AGBL1: variants seen among roughly 807,000 people sequenced by gnomAD.
AGBL1 encodes the protein AGBL carboxypeptidase 1.
AGBL1 carries 130 observed loss-of-function variants against 118.9 expected under a neutral mutation model. The ratio of observed to expected loss-of-function variants is 1.09; its 90% confidence interval spans 0.95 to 1.26. The LOEUF is 1.26. AGBL1 is among the 50% of genes most tolerant of loss of function. AGBL1 has a pLI of 0.00. For synonymous variants in AGBL1, 555 were observed against 478.9 expected, an observed-to-expected ratio of 1.16 and a Z score of -2.08; for missense variants, 1,584 against 1,298.1, an observed-to-expected ratio of 1.22 and a Z score of -3.38.
rs138498035 is a variant in AGBL1, at chr15:86,939,322, C to A, written c.3222-48665C>A. Among the ~76,000 whole-genome samples, 44 of 152,242 alleles carry A rather than the reference C, an allele frequency of 2.9e-4. No individual in the cohort carries two copies. The East Asian group carries it at 8.5e-3, about 29-fold the overall frequency. On this transcript the variant is annotated intron_variant, in intron 23 of 24. Transcript: ENST00000441037. The stretch of plus-strand genomic sequence containing the variant: ...GAGCAGACTTGCTGAGTCTTCTGAC[C>A]CTCATCTTTCTCCTGTGCTGCATGC...
chr15:86,649,635 T>A (rs2085337375), intron 21 of AGBL1, among the ~76,000 whole-genome samples: 1 of 152,012 alleles, frequency 6.6e-6, no homozygotes, highest in Non-Finnish European at 1.5e-5. Context: ...TAAGAAAAAA[T>A]GGTTACTTTC....
rs150582242 is a variant in AGBL1 at position 86,630,086 on chromosome 15, C to T, written c.2995-44187C>T. Among the ~76,000 whole-genome samples the T allele has an allele frequency of 8.5e-5, 13 of 152,322 alleles. No homozygotes were observed. The East Asian group carries it at 2.5e-3, about 29-fold the overall frequency. On this transcript the variant is annotated intron_variant, in intron 21 of 22. Transcript: ENST00000614907. ...TGCTTTGAAGAGGATGAAAATTTCT[C>T]CTTATATGAATCTTCCTTCTATGTG...
intron 17 of AGBL1, among the ~76,000 whole-genome samples, chr15:86,338,771 C>G (rs1030948768): frequency 6.6e-6 from 1 of 152,190 alleles, no homozygotes; most frequent in Non-Finnish European, 1.5e-5. Flanking sequence ...AGACTGTTCT[C>G]AGTCATCCAC....
intron 22 of AGBL1, among the ~76,000 whole-genome samples, chr15:86,784,670 C>A (rs1032658637): frequency 6.6e-5 from 10 of 152,160 alleles, no homozygotes; most frequent in African/African-American, 2.4e-4. Context: ...ACTCTCTGAG[C>A]CACAGTTCAG....
intron 17 of AGBL1, among the ~76,000 whole-genome samples, chr15:86,385,591 G>T (rs1255938588): frequency 6.6e-6 from 1 of 152,238 alleles, no homozygotes; most frequent in Non-Finnish European, 1.5e-5. Flanking sequence ...GGGAAAGTGG[G>T]AGTTCTTTGA....
At chr15:86,356,677 G>C (rs1016649271) in intron 17 of AGBL1, among the ~76,000 whole-genome samples, 3 of 152,174 alleles carry the variant, frequency 2.0e-5, no homozygotes, top group Admixed American at 6.5e-5. Flanking sequence ...GAAGTAAGAA[G>C]CAGGGCTACA....
chr15:86,913,987 G>A lies in AGBL1; in HGVS notation c.*6693G>A, dbSNP rs2080386357. The A allele has an allele frequency of 6.6e-6, 1 of 152,194 alleles. No individual in the cohort carries two copies. Among genetic ancestry groups the A allele is most frequent in the Non-Finnish European group, 1.5e-5 (1 of 68,040 alleles). 9.4% of individuals were successfully genotyped at this position (152,194 alleles called of 1,614,324 possible). On this transcript the variant is annotated 3_prime_UTR_variant, in exon 23 of 23. Coordinates refer to ENST00000614907, the MANE Select transcript of AGBL1 (RefSeq NM_001386094.1). ...GGGTTAAAATGATTTCTTGGTATCA[G>A]ACAAGTATTATGACCAGCTCCTGGC... is the stretch of plus-strand genomic sequence containing the variant.
intron 22 of AGBL1, among the ~76,000 whole-genome samples, chr15:86,903,786 C>T (rs1324816413): frequency 6.6e-6 from 1 of 152,102 alleles, no homozygotes; most frequent in Non-Finnish European, 1.5e-5. Context: ...TCCAGCTCCC[C>T]ACCAGGACTT....
At chr15:86,674,001 C>G (rs1033984998) in intron 21 of AGBL1, among the ~76,000 whole-genome samples, 1 of 152,102 alleles carries the variant, frequency 6.6e-6, no homozygotes, top group Admixed American at 6.6e-5. Flanking sequence ...TCCTGGATCT[C>G]CATATATCCC....
rs569200860 is a variant in AGBL1, at chr15:86,952,270, A to C, written c.3222-35717A>C. On this transcript the variant is annotated intron_variant, in intron 23 of 24. Transcript: ENST00000441037. ...TTTTTTGTCACTCTTATTTTCTTTT[A>C]GTCAGTGTTAGTAGCATACAAATTA... 2.6e-5 allele frequency among the ~76,000 whole-genome samples: 4 copies of C among 151,812 alleles called. No homozygotes were observed. The East Asian group carries it at 7.7e-4, about 29-fold the overall frequency.
intron 1 of AGBL1, among the ~76,000 whole-genome samples, chr15:86,132,579 A>G (rs1052594671): frequency 2.6e-5 from 4 of 152,200 alleles, no homozygotes; most frequent in African/African-American, 9.7e-5. Context: ...TGCTTGGGAA[A>G]GACTTCATAG....
chr15:86,944,932 C>T (rs1305771014), intron 23 of AGBL1, among the ~76,000 whole-genome samples: 3 of 152,124 alleles, frequency 2.0e-5, no homozygotes, highest in Non-Finnish European at 4.4e-5. Context: ...TGTAAACTGG[C>T]TCTTTCCTGA....
chr15:86,834,047 C>G (rs1596533118), intron 22 of AGBL1, among the ~76,000 whole-genome samples: 1 of 152,188 alleles, frequency 6.6e-6, no homozygotes, highest in Non-Finnish European at 1.5e-5. Flanking sequence ...AAGAAAAGAG[C>G]TACTCTGCTG....
chr15:86,683,233 G>A (rs888914720), intron 22 of AGBL1, among the ~76,000 whole-genome samples: 2 of 152,044 alleles, frequency 1.3e-5, no homozygotes, highest in Admixed American at 1.3e-4. Flanking sequence ...ATGTATATCT[G>A]TGTGTGTTTC....
chr15:86,832,741 G>C (rs1453765342), intron 22 of AGBL1, among the ~76,000 whole-genome samples: 1 of 152,114 alleles, frequency 6.6e-6, no homozygotes, highest in African/African-American at 2.4e-5. Flanking sequence ...ACATCTTCCT[G>C]CCTTCTTCTG....
chr15:86,440,926 A>G (rs2082056632), intron 18 of AGBL1, among the ~76,000 whole-genome samples: 1 of 152,198 alleles, frequency 6.6e-6, no homozygotes, highest in African/African-American at 2.4e-5. Flanking sequence ...AAACAGGCTC[A>G]AGAAACAAAA....
rs572346752 is a variant in AGBL1 at position 86,085,615 on chromosome 15, C to T, written c.51+5592C>T. On this transcript the variant is annotated intron_variant, in intron 1 of 22. Transcript: ENST00000614907. ...TTTGTCACTGGACTTCTTCCTATAC[C>T]TGTTCCCAACTCTTAGTCCCAGCCT... is the stretch of plus-strand genomic sequence containing the variant. Among the ~76,000 whole-genome samples the T allele has an allele frequency of 1.5e-4, 23 of 152,262 alleles. No individual in the cohort carries two copies. In the South Asian group the frequency reaches 4.8e-3, roughly 32 times the overall value.
chr15:86,546,037 G>T lies in AGBL1; in HGVS notation c.2721G>T (p.Lys907Asn). The T allele has an allele frequency of 6.2e-7, 1 of 1,613,336 alleles. No individual in the cohort carries two copies. The highest frequency in any genetic ancestry group is 1.3e-5 in the African/African-American group (1 of 75,028). The change falls in exon 20 of 23, where the codon AAG becomes AAT. Residue 907 changes from lysine to asparagine, a missense_variant. Physicochemically the swap from Lys to Asn is moderately conservative, Grantham distance 94 (BLOSUM62 0). Coordinates refer to ENST00000614907, the MANE Select transcript of AGBL1 (RefSeq NM_001386094.1). ...ACTTCCATGGCCACTCCCAAAAGAAGAATGTGTTCCTTTATGGCTGTAGCA... is the reference window on the plus strand; with the variant it reads ...ACTTCCATGGCCACTCCCAAAAGAATAATGTGTTCCTTTATGGCTGTAGCA... The part of the protein sequence containing the change: ...FCDFHGHSQK[K>N]NVFLYGCSIK...
At chr15:86,171,159 GA>G (rs1389387440) in intron 5 of AGBL1, among the ~76,000 whole-genome samples, 6 of 152,126 alleles carry the variant, frequency 3.9e-5, no homozygotes, top group Non-Finnish European at 5.9e-5. Flanking sequence ...ACTTTAGGCA[GA>G]AGGAAAATGA....
Sources: allele counts gnomAD v4.1 joint callset (sites outside exome capture counted in the v4.1 genomes callset), GRCh38; gene constraint gnomAD v4.1.1; transcripts MANE v1.5; gene names NCBI Gene and HGNC (gene_info 2026-07-23, HGNC 2026-07-21).